DOCK3: variants seen among roughly 807,000 people sequenced by gnomAD.
DOCK3 encodes the protein dedicator of cytokinesis 3, also known as dedicator of cytokinesis protein 3.
DOCK3 carries 60 observed loss-of-function variants against 265.6 expected under a neutral mutation model. The observed-to-expected ratio is 0.23, with a 90% CI of 0.18 to 0.28. The LOEUF (loss-of-function observed/expected upper bound fraction) is 0.28. DOCK3 is among the 10% of genes least tolerant of loss of function. The pLI is 1.00. For missense variants in DOCK3, 1,981 were observed against 2,594.3 expected (o/e 0.76, Z 5.14); for synonymous variants, 881 against 938.0 (o/e 0.94, Z 1.11).
chr3:50,996,303 C>T (rs544439882), intron 5 of DOCK3, among the ~76,000 whole-genome samples: 18 of 151,882 alleles, frequency 1.2e-4, no homozygotes, highest in East Asian at 1.9e-4. Context: ...CTGCAAGCTC[C>T]GCCTCCTGGG....
At chr3:51,017,635 T>G (rs922754951) in intron 5 of DOCK3, among the ~76,000 whole-genome samples, 3 of 151,866 alleles carry the variant, frequency 2.0e-5, no homozygotes, top group Non-Finnish European at 4.4e-5. Context: ...CAGGAGCATA[T>G]TGTTTAATTT....
At position 51,175,649 on chromosome 3, in the gene DOCK3, G is replaced by A. The variant is rs1199904627; in HGVS notation, c.1037+14947G>A. On this transcript the variant is annotated intron_variant, in intron 12 of 52. Coordinates refer to ENST00000266037, the MANE Select transcript of DOCK3 (RefSeq NM_004947.5). Reference sequence around the variant, plus strand: ...AGGACTTCTCCTGCACTGCAGTTGGGAGGGGCTAGAATTGGATTTGCAGGC... The same window carrying A: ...AGGACTTCTCCTGCACTGCAGTTGGAAGGGGCTAGAATTGGATTTGCAGGC... Among the ~76,000 whole-genome samples the A allele has an allele frequency of 3.3e-5, 5 of 152,214 alleles. No homozygotes were observed. In the South Asian group the frequency reaches 6.2e-4, roughly 19 times the overall value.
chr3:51,220,273 T>C (rs1312691138), intron 14 of DOCK3, among the ~76,000 whole-genome samples: 2 of 152,146 alleles, frequency 1.3e-5, no homozygotes, highest in East Asian at 3.9e-4. Flanking sequence ...TCAGTTCTCA[T>C]CTTACATGAT....
chr3:51,380,263 T>C, intron 52 of DOCK3, 56 bp downstream of exon 52: 1 of 1,523,100 alleles, frequency 6.6e-7, no homozygotes, highest in Admixed American at 1.7e-5. Context: ...TCTCGTCTGC[T>C]CTAGAACCAC....
intron 4 of DOCK3, among the ~76,000 whole-genome samples, chr3:50,915,219 C>A (rs2107964657): frequency 6.6e-6 from 1 of 152,074 alleles, no homozygotes; most frequent in East Asian, 1.9e-4. Flanking sequence ...TTGGCATCCC[C>A]AATCCAATAG....
At position 50,831,095 on chromosome 3, in the gene DOCK3, G is replaced by A. The variant is rs550123083; in HGVS notation, c.122-10580G>A. On this transcript the variant is annotated intron_variant, in intron 2 of 52. Transcript: ENST00000266037. Reference sequence around the variant, plus strand: ...TTAGCATACTAATGCATTATAATTAGCATATAATGAGCAATGAGGACAACC... The same window carrying A: ...TTAGCATACTAATGCATTATAATTAACATATAATGAGCAATGAGGACAACC... Among the ~76,000 whole-genome samples, 3 of 152,054 alleles carry A rather than the reference G, an allele frequency of 2.0e-5. No homozygotes were observed. In the East Asian group the frequency reaches 5.8e-4, roughly 29 times the overall value.
At chr3:50,793,392 C>G (rs1441904021) in intron 2 of DOCK3, among the ~76,000 whole-genome samples, 2 of 116,280 alleles carry the variant, frequency 1.7e-5, no homozygotes, top group Non-Finnish European at 3.5e-5. Flanking sequence ...GAGTTTTGCT[C>G]TTGTTGCCCA....
At chr3:51,289,980 A>T (rs1450974320) in intron 27 of DOCK3, among the ~76,000 whole-genome samples, 1 of 152,130 alleles carries the variant, frequency 6.6e-6, no homozygotes, top group African/African-American at 2.4e-5. Context: ...CAAAACCACA[A>T]TGAGATATCA....
At chr3:51,337,369 C>G (rs1011562472) in intron 35 of DOCK3, among the ~76,000 whole-genome samples, 1 of 152,232 alleles carries the variant, frequency 6.6e-6, no homozygotes, top group Non-Finnish European at 1.5e-5. Flanking sequence ...CCTAGGGACC[C>G]TGACTCCCAG....
At chr3:51,147,380 T>C (rs2085348161) in intron 10 of DOCK3, among the ~76,000 whole-genome samples, 2 of 152,198 alleles carry the variant, frequency 1.3e-5, no homozygotes, top group Admixed American at 6.5e-5. Flanking sequence ...CTAGGGTACA[T>C]GTACACAACA....
intron 26 of DOCK3, 139 bp from the exon 27 acceptor site, chr3:51,279,967 G>A (rs540497219): frequency 1.5e-6 from 1 of 671,666 alleles, no homozygotes; most frequent in East Asian, 2.8e-5. Flanking sequence ...TAAAGCTTTA[G>A]AGGGCTAGAT....
chr3:51,017,914 A>G (rs890666344), intron 5 of DOCK3, among the ~76,000 whole-genome samples: 3 of 151,752 alleles, frequency 2.0e-5, no homozygotes, highest in Middle Eastern at 6.8e-3. Context: ...CTTTTTTTAG[A>G]CAGAGTTTTA....
At chr3:51,188,412 T>C (rs2087741849) in intron 12 of DOCK3, among the ~76,000 whole-genome samples, 1 of 152,234 alleles carries the variant, frequency 6.6e-6, no homozygotes, top group Admixed American at 6.5e-5. Flanking sequence ...ATGAGGGATT[T>C]CGTTACATGT....
intron 5 of DOCK3, among the ~76,000 whole-genome samples, chr3:51,016,558 A>G (rs1160189247): frequency 1.2e-3 from 2 of 1,652 alleles, no homozygotes; most frequent in Non-Finnish European, 1.6e-3. Context: ...TATATATATC[A>G]TATATTATAT....
intron 5 of DOCK3, among the ~76,000 whole-genome samples, chr3:51,051,811 T>C (rs2081003791): frequency 6.6e-6 from 1 of 152,116 alleles, no homozygotes; most frequent in Admixed American, 6.6e-5. Flanking sequence ...GAGCTTTTAC[T>C]CATGTCAGGA....
intron 2 of DOCK3, among the ~76,000 whole-genome samples, chr3:50,825,019 A>G (rs760878559): frequency 6.6e-6 from 1 of 152,210 alleles, no homozygotes; most frequent in Non-Finnish European, 1.5e-5. Context: ...TGTTGTACCT[A>G]CAACAGGCAC....
At chr3:51,127,471 C>G (rs2084320692) in intron 9 of DOCK3, among the ~76,000 whole-genome samples, 1 of 152,178 alleles carries the variant, frequency 6.6e-6, no homozygotes, top group East Asian at 1.9e-4. Context: ...CTTCACATAA[C>G]CGGAAACGTA....
At chr3:51,139,674 A>G (rs1185877005) in intron 9 of DOCK3, among the ~76,000 whole-genome samples, 1 of 152,208 alleles carries the variant, frequency 6.6e-6, no homozygotes, top group South Asian at 2.1e-4. Context: ...AAAGAAAGAA[A>G]ATAATTAGTT....
chr3:50,878,251 A>G (rs1043616053), intron 3 of DOCK3, among the ~76,000 whole-genome samples: 4 of 152,238 alleles, frequency 2.6e-5, no homozygotes, highest in African/African-American at 9.6e-5. Flanking sequence ...CTCGCCAGCA[A>G]TGAAACAAAG....
Sources: allele counts gnomAD v4.1 joint callset (sites outside exome capture counted in the v4.1 genomes callset), GRCh38; gene constraint gnomAD v4.1.1; transcripts MANE v1.5; gene names NCBI Gene and HGNC (gene_info 2026-07-23, HGNC 2026-07-21).